The following HIF1A variants were observed in gnomAD, a reference collection of about 807,000 sequenced individuals.
The protein encoded by HIF1A is hypoxia inducible factor 1 subunit alpha.
HIF1A carries 24 observed loss-of-function variants against 92.7 expected under a neutral mutation model. The ratio of observed to expected loss-of-function variants is 0.26; its 90% confidence interval spans 0.19 to 0.36. HIF1A has a LOEUF of 0.36. Among genes scored for constraint, HIF1A ranks in the 10% least tolerant of loss-of-function variants. The pLI is 1.00. For missense variants in HIF1A, 799 were observed against 998.5 expected, an observed-to-expected ratio of 0.80 and a Z score of 2.69; for synonymous variants, 319 against 338.7, an observed-to-expected ratio of 0.94 and a Z score of 0.64.
In HIF1A at chr14:61,747,630, T is replaced by G. The variant is rs2044810598; in HGVS notation, c.*545T>G. ...ATAAAACTAGTTTTTAAGAAGAAAT[T>G]TTTTTTGGCCTATGAAATTGTTAAA... is the stretch of plus-strand genomic sequence containing the variant. On this transcript the variant is annotated 3_prime_UTR_variant, in exon 15 of 15. Transcript: ENST00000337138. 1 of 152,526 alleles carries G rather than the reference T, an allele frequency of 6.6e-6. No individual in the cohort carries two copies. The highest frequency in any genetic ancestry group is 6.5e-5 in the Admixed American group (1 of 15,280). The allele number at this position is 152,526 out of a possible 1,614,324, so 9.4% of individuals were successfully genotyped here.
intron 9 of HIF1A, among the ~76,000 whole-genome samples, chr14:61,737,464 C>T (rs1204483003): frequency 6.6e-6 from 1 of 152,106 alleles, no homozygotes; most frequent in Non-Finnish European, 1.5e-5. Context: ...AAAAAGTAGT[C>T]ATACTATAAC....
intron 1 of HIF1A, among the ~76,000 whole-genome samples, chr14:61,715,244 G>C (rs190475870): frequency 1.3e-5 from 2 of 152,186 alleles, no homozygotes. Context: ...CTGGACAGTA[G>C]AGCAGAGAGC....
At chr14:61,722,086 C>CT (rs5809118) in intron 4 of HIF1A, among the ~76,000 whole-genome samples, 173 of 143,558 alleles carry the variant, frequency 1.2e-3, no homozygotes, top group African/African-American at 3.7e-3. Context: ...TTACAAATAA[C>CT]TTTTTTTTTT....
chr14:61,720,244 C>T lies in HIF1A; in HGVS notation c.36-138C>T. On this transcript the variant is annotated intron_variant, in intron 1 of 14. Transcript: ENST00000337138. The stretch of plus-strand genomic sequence containing the variant: ...TATAAAAGTACATTAATCTAGTAGA[C>T]AAATCTCCATGTAACTTAATTACAT... 5 of 594,216 alleles carry T rather than the reference C, an allele frequency of 8.4e-6. No homozygotes were observed. In the South Asian group the frequency reaches 1.3e-4, roughly 15 times the overall value. The allele number at this position is 594,216 out of a possible 1,614,324, so 36.8% of individuals were successfully genotyped here. A position where few individuals can be genotyped will look rare whatever the true frequency, so the allele number is the denominator to read the frequency against.
chr14:61,741,286 A>AC lies in HIF1A; in HGVS notation c.2093+98_2093+99insC. ...TTTTAAACTTATAGCAAACTTTCTG[A>AC]TATATATGCCCTAACGCAAATTCTT... On this transcript the variant is annotated intron_variant, in intron 12 of 14. Coordinates refer to ENST00000337138, the MANE Select transcript of HIF1A (RefSeq NM_001530.4). 2 of 830,382 alleles carry AC rather than the reference A, an allele frequency of 2.4e-6. 1 individual carries two copies. Among genetic ancestry groups the AC allele is most frequent in the Non-Finnish European group, 3.7e-6 (2 of 533,714 alleles). 51.4% of individuals were successfully genotyped at this position (830,382 alleles called of 1,614,324 possible).
intron 4 of HIF1A, among the ~76,000 whole-genome samples, chr14:61,725,137 ACTT>A (rs1206460416): frequency 6.6e-6 from 1 of 152,150 alleles, no homozygotes; most frequent in Admixed American, 6.5e-5. Context: ...TCTAAGCAAG[ACTT>A]CTTGATTTCC....
At chr14:61,721,011 G>A (rs556602036) in intron 2 of HIF1A, among the ~76,000 whole-genome samples, 1 of 152,214 alleles carries the variant, frequency 6.6e-6, no homozygotes, top group African/African-American at 2.4e-5. Flanking sequence ...GGATGCTGAG[G>A]CGGGTGGATC....
In HIF1A at chr14:61,726,615, A is replaced by G. The variant is rs2044508130; in HGVS notation, c.458-91A>G. On this transcript the variant is annotated intron_variant, in intron 4 of 14. Transcript: ENST00000337138. ...CTGAGACTTAATTGAACGGGTATTC[A>G]GTTGATCTAGGTGATGGGCACTTTG... 3 of 682,958 alleles carry G rather than the reference A, an allele frequency of 4.4e-6. No individual in the cohort carries two copies. The East Asian group carries it at 8.5e-5, about 19-fold the overall frequency. 42.3% of individuals were successfully genotyped at this position (682,958 alleles called of 1,614,324 possible).
intron 1 of HIF1A, among the ~76,000 whole-genome samples, chr14:61,703,138 G>A (rs2044196492): frequency 6.6e-6 from 1 of 152,090 alleles, no homozygotes; most frequent in African/African-American, 2.4e-5. Flanking sequence ...CACCATGCCC[G>A]GCCTCATGGT....
chr14:61,729,479 C>T (rs71423444), intron 6 of HIF1A, among the ~76,000 whole-genome samples: 1 of 146,606 alleles, frequency 6.8e-6, no homozygotes, highest in African/African-American at 2.6e-5. Flanking sequence ...AAAAACAAAA[C>T]AAAAAAAAGA....
chr14:61,727,254 T>A (rs2044517127), intron 5 of HIF1A, among the ~76,000 whole-genome samples, 199 bp from the exon 6 acceptor site: 1 of 152,206 alleles, frequency 6.6e-6, no homozygotes, highest in African/African-American at 2.4e-5. Context: ...GAGTAATGTA[T>A]AGGCCCTGGG....
chr14:61,715,922 C>A (rs2044358646), intron 1 of HIF1A: 1 of 152,118 alleles, frequency 6.6e-6, no homozygotes, highest in African/African-American at 2.4e-5. Flanking sequence ...TTGCTTGAGC[C>A]CACGATTTCG....
chr14:61,720,459 ATGAGCTT>A lies in HIF1A; in HGVS notation c.114_120del (p.Tyr38Ter). ...CGAAGTAAAGAATCTGAAGTTTTTT[ATGAGCTT>A]GCTCATCAGTTGCCACTTCCACATA... On this transcript the variant is annotated frameshift_variant, in exon 2 of 15. Coordinates refer to ENST00000337138, the MANE Select transcript of HIF1A (RefSeq NM_001530.4). LOFTEE classifies it high-confidence loss of function. 1 of 1,613,878 alleles carries A rather than the reference ATGAGCTT, an allele frequency of 6.2e-7. No individual in the cohort carries two copies. The highest frequency in any genetic ancestry group is 8.5e-7 in the Non-Finnish European group (1 of 1,179,910).
At chr14:61,707,970 T>C (rs900325064) in intron 1 of HIF1A, among the ~76,000 whole-genome samples, 44 of 151,980 alleles carry the variant, frequency 2.9e-4, no homozygotes, top group African/African-American at 9.7e-4. Context: ...CAGCACCTGT[T>C]GTTTCCTGAC....
At chr14:61,715,318 G>A (rs952766447) in intron 1 of HIF1A, among the ~76,000 whole-genome samples, 3 of 152,222 alleles carry the variant, frequency 2.0e-5, no homozygotes, top group Middle Eastern at 3.2e-3. Flanking sequence ...CTCCAAGAAA[G>A]AGCCTGGTTC....
chr14:61,697,890 T>C, intron 1 of HIF1A: 3 of 1,516,956 alleles, frequency 2.0e-6, no homozygotes, highest in South Asian at 1.2e-5. Context: ...CAAATTTGTC[T>C]TTTTAAAAGA....
At position 61,695,845 on chromosome 14, in the gene HIF1A, C is replaced by A. The variant is rs755136857; in HGVS notation, c.35+6C>A. ...GGCGCGAACGACAAGAAAAAGTAAG[C>A]CCATTCCCTCGGCCCGCCGCCTTCT... On this transcript the variant is annotated splice_donor_region_variant and intron_variant, in intron 1 of 14. Coordinates refer to ENST00000337138, the MANE Select transcript of HIF1A (RefSeq NM_001530.4). The A allele has an allele frequency of 6.3e-7, 1 of 1,578,856 alleles. No individual in the cohort carries two copies. The highest frequency in any genetic ancestry group is 2.3e-5 in the East Asian group (1 of 43,392).
intron 2 of HIF1A, among the ~76,000 whole-genome samples, chr14:61,720,797 G>A (rs1308281815): frequency 3.3e-5 from 5 of 151,690 alleles, no homozygotes; most frequent in Non-Finnish European, 7.4e-5. Context: ...CACATAATTT[G>A]TTTTGCTTTA....
chr14:61,745,295 C>T (rs1029435897), intron 13 of HIF1A, among the ~76,000 whole-genome samples: 1 of 152,090 alleles, frequency 6.6e-6, no homozygotes. Flanking sequence ...TGTTGGTGCA[C>T]AACTATAATC....
Sources: allele counts gnomAD v4.1 joint callset (sites outside exome capture counted in the v4.1 genomes callset), GRCh38; gene constraint gnomAD v4.1.1; transcripts MANE v1.5; gene names NCBI Gene and HGNC (gene_info 2026-07-23, HGNC 2026-07-21).